The following ZEB1 variants were observed in gnomAD, a reference collection of about 807,000 sequenced individuals.
ZEB1 encodes the protein zinc finger E-box binding homeobox 1.
Under a neutral mutation model 84.9 loss-of-function variants are expected in ZEB1, and 21 were observed. The observed-to-expected ratio is 0.25, with a 90% confidence interval of 0.18 to 0.36. The LOEUF is 0.36. Ranked by LOEUF, ZEB1 falls within the 10% of genes least tolerant of loss-of-function variation. ZEB1 has a pLI of 1.00. For missense variants in ZEB1, 1,104 were observed against 1,330.2 expected (o/e 0.83, Z 2.65); for synonymous variants, 420 against 471.1 (o/e 0.89, Z 1.41).
chr10:31,526,146 G>T (rs865947228), intron 8 of ZEB1, among the ~76,000 whole-genome samples: 3 of 152,190 alleles, frequency 2.0e-5, no homozygotes, highest in Non-Finnish European at 4.4e-5. Flanking sequence ...TACTACAATG[G>T]CTGTGGTTTT....
At chr10:31,468,325 A>G (rs1244855996) in intron 2 of ZEB1, among the ~76,000 whole-genome samples, 1 of 151,832 alleles carries the variant, frequency 6.6e-6, no homozygotes, top group Non-Finnish European at 1.5e-5. Flanking sequence ...TAAAAATCCC[A>G]CTGTCATCAC....
At chr10:31,322,541 T>C (rs576426007) in intron 1 of ZEB1, among the ~76,000 whole-genome samples, 1 of 152,344 alleles carries the variant, frequency 6.6e-6, no homozygotes, top group South Asian at 2.1e-4. Context: ...TCAGGTAATG[T>C]AACTGACAGG....
intron 1 of ZEB1, among the ~76,000 whole-genome samples, chr10:31,369,750 A>G (rs777573347): frequency 7.2e-5 from 11 of 152,244 alleles, no homozygotes; most frequent in Middle Eastern, 6.8e-3. Context: ...CAGTAGTTCT[A>G]TTTTTAGTTT....
intron 1 of ZEB1, among the ~76,000 whole-genome samples, chr10:31,364,217 G>A (rs983504608): frequency 1.8e-4 from 27 of 152,182 alleles, no homozygotes; most frequent in Admixed American, 1.6e-3. Context: ...GGAGCCCAGC[G>A]AGGGTGCCTA....
Position 31,527,099 on chromosome 10 carries a change from A to C in ZEB1, c.3213A>C (p.Glu1071Asp). 6.3e-7 allele frequency: 1 copy of C among 1,597,010 alleles called. No individual in the cohort carries two copies. The highest frequency in any genetic ancestry group is 8.5e-7 in the Non-Finnish European group (1 of 1,170,026). ...ATGAGGAAGAGGAGGAGGAGGAGGA[A>C]GAAGTGGAAGAAGAAGAGGTAGAAG... ...QGDEEEEEEE[E>D]EVEEEEVEEA... The change falls in exon 9 of 9, where the codon GAA becomes GAC. Residue 1071 changes from glutamate to aspartate, a missense_variant. This residue lies in a region of ZEB1 where 173 missense variants were observed against 167.0 expected (regional missense o/e 1.04). Coordinates refer to ENST00000424869, the MANE Select transcript of ZEB1 (RefSeq NM_001174096.2).
At chr10:31,359,764 G>C (rs377177403) in intron 1 of ZEB1, among the ~76,000 whole-genome samples, 1 of 152,088 alleles carries the variant, frequency 6.6e-6, no homozygotes, top group African/African-American at 2.4e-5. Flanking sequence ...TGGACATTCA[G>C]TTAGTAAATT....
chr10:31,364,758 G>A (rs1392979215), intron 1 of ZEB1, among the ~76,000 whole-genome samples: 1 of 152,216 alleles, frequency 6.6e-6, no homozygotes, highest in Non-Finnish European at 1.5e-5. Context: ...TTTGAACCCA[G>A]GCTGTGCGAT....
chr10:31,363,752 G>T lies in ZEB1; in HGVS notation c.58+44460G>T, dbSNP rs756167890. ...GACAGCACGGGTTTCTTCCTTGAGGGGGGGCTCCAGACCACAGGACGCAGG... is the reference window on the plus strand; with the variant it reads ...GACAGCACGGGTTTCTTCCTTGAGGTGGGGCTCCAGACCACAGGACGCAGG... On this transcript the variant is annotated intron_variant, in intron 1 of 8. Transcript: ENST00000424869. The T allele has an allele frequency of 7.3e-6, 9 of 1,226,270 alleles. No individual in the cohort carries two copies. In the African/African-American group the frequency reaches 7.5e-5, roughly 10 times the overall value. The allele number at this position is 1,226,270 out of a possible 1,614,324, so 76.0% of individuals were successfully genotyped here. A position where few individuals can be genotyped will look rare whatever the true frequency, so the allele number is the denominator to read the frequency against.
Position 31,514,787 on chromosome 10 carries a change from C to T in ZEB1, c.793+79C>T, listed in dbSNP as rs376092063. 1.6e-4 allele frequency: 189 copies of T among 1,153,040 alleles called. No individual in the cohort carries two copies. The East Asian group carries it at 2.7e-3, about 17-fold the overall frequency. The allele number at this position is 1,153,040 out of a possible 1,614,324, so 71.4% of individuals were successfully genotyped here. A position where few individuals can be genotyped will look rare whatever the true frequency, so the allele number is the denominator to read the frequency against. On this transcript the variant is annotated intron_variant, in intron 6 of 8. Transcript: ENST00000424869. ...AATAAATATCATAACATGTAATCTA[C>T]GTACATGATCAGAAACTCCTTGCAT...
intron 1 of ZEB1, among the ~76,000 whole-genome samples, chr10:31,355,707 A>G (rs2042006493): frequency 1.3e-5 from 2 of 152,192 alleles, no homozygotes; most frequent in Admixed American, 6.5e-5. Flanking sequence ...CAGAAATAGC[A>G]TCTACAAAAG....
At chr10:31,330,046 A>G (rs936185361) in intron 1 of ZEB1, among the ~76,000 whole-genome samples, 4 of 152,194 alleles carry the variant, frequency 2.6e-5, no homozygotes, top group African/African-American at 9.6e-5. Context: ...TTAAATTTTG[A>G]TGGAGTTTAA....
At chr10:31,409,350 G>C (rs1007839249) in intron 1 of ZEB1, among the ~76,000 whole-genome samples, 3 of 152,072 alleles carry the variant, frequency 2.0e-5, no homozygotes, top group Admixed American at 1.3e-4. Flanking sequence ...ATTCCTCAGG[G>C]ATCTAGAACT....
chr10:31,409,742 T>G (rs1053252878), intron 1 of ZEB1, among the ~76,000 whole-genome samples: 5 of 152,170 alleles, frequency 3.3e-5, no homozygotes, highest in Non-Finnish European at 5.9e-5. Flanking sequence ...TTGTAAGTTG[T>G]ATTCCTAAGT....
At chr10:31,459,189 A>G (rs985082571) in intron 1 of ZEB1, among the ~76,000 whole-genome samples, 5 of 152,160 alleles carry the variant, frequency 3.3e-5, no homozygotes, top group Non-Finnish European at 7.4e-5. Context: ...AAATCAAGCC[A>G]TAATTAGTCA....
rs115124434 is a variant in ZEB1 at position 31,463,789 on chromosome 10, T to C, written c.259+2552T>C. ...AAAGTGGAACTGCTACAAATATCTATTGGCACCAGGCAGAAGTAAACACAA... is the reference window on the plus strand; with the variant it reads ...AAAGTGGAACTGCTACAAATATCTACTGGCACCAGGCAGAAGTAAACACAA... On this transcript the variant is annotated intron_variant, in intron 2 of 8. Coordinates refer to ENST00000424869, the MANE Select transcript of ZEB1 (RefSeq NM_001174096.2). 5.6e-3 allele frequency among the ~76,000 whole-genome samples: 853 copies of C among 152,330 alleles called. 13 individuals carry two copies. The highest frequency in any genetic ancestry group is 0.02 in the African/African-American group (813 of 41,574).
At chr10:31,432,790 T>C (rs2057873447) in intron 1 of ZEB1, among the ~76,000 whole-genome samples, 1 of 152,236 alleles carries the variant, frequency 6.6e-6, no homozygotes, top group Admixed American at 6.5e-5. Context: ...TATTTATTCA[T>C]TCTTAAAGTT....
At chr10:31,357,094 A>G (rs1334246736) in intron 1 of ZEB1, among the ~76,000 whole-genome samples, 2 of 152,318 alleles carry the variant, frequency 1.3e-5, no homozygotes, top group African/African-American at 4.8e-5. Context: ...GGTCAAAAGT[A>G]TTTCTAGGAA....
chr10:31,452,756 A>T (rs1486209247), intron 1 of ZEB1, among the ~76,000 whole-genome samples: 23 of 149,386 alleles, frequency 1.5e-4, no homozygotes, highest in East Asian at 5.9e-4. Flanking sequence ...AGAGAGAGAG[A>T]GAGAGAGAGA....
At chr10:31,452,736 TGTGTGTGAGAGAGAGAGA>T (rs1308661558) in intron 1 of ZEB1, among the ~76,000 whole-genome samples, 4 of 112,962 alleles carry the variant, frequency 3.5e-5, no homozygotes, top group African/African-American at 1.9e-4. Flanking sequence ...TGTGTGTGTG[TGTGTGTGAGAGAGAGAGA>T]GAGAGAGAGA....
Sources: gnomAD v4.1 joint callset for allele counts (sites outside exome capture counted in the v4.1 genomes callset) on GRCh38, gnomAD v4.1.1 for gene constraint, gnomAD v4.1.1 regional missense constraint, MANE v1.5 for transcripts, NCBI Gene and HGNC (gene_info 2026-07-23, HGNC 2026-07-21) for gene names.